Variants in ITPRIP observed in about 807,000 individuals in gnomAD.
ITPRIP encodes the protein inositol 1,4,5-trisphosphate receptor interacting protein, also known as inositol 1,4,5-trisphosphate receptor-interacting protein.
A neutral mutation model predicts 35.8 loss-of-function variants in ITPRIP; 32 were observed. The ratio of observed to expected loss-of-function variants is 0.89; its 90% CI spans 0.68 to 1.20. ITPRIP has a LOEUF of 1.20. Among genes scored for constraint, ITPRIP ranks in the 50% most tolerant of loss-of-function variants. ITPRIP has a pLI of 0.00. For synonymous variants in ITPRIP, 358 were observed against 324.0 expected (o/e 1.11, Z -1.13); for missense variants, 653 against 735.6 (o/e 0.89, Z 1.30).
In ITPRIP at chr10:104,313,649, G is replaced by C. The variant is rs1030230011; in HGVS notation, c.*759C>G. On this transcript the variant is annotated 3_prime_UTR_variant, in exon 2 of 2. Transcript: ENST00000337478. The stretch of plus-strand genomic sequence containing the variant: ...ACCCAGTGTGGCAAATACCCACCAC[G>C]CTCGGGACCCAGTACGTTGGGGAAA... The C allele has an allele frequency of 1.0e-6, 1 of 985,370 alleles. No homozygotes were observed. Among genetic ancestry groups the C allele is most frequent in the Non-Finnish European group, 1.2e-6 (1 of 830,016 alleles). 61.0% of individuals were successfully genotyped at this position (985,370 alleles called of 1,614,324 possible).
At position 104,314,388 on chromosome 10, in the gene ITPRIP, C is replaced by A; in HGVS notation, c.*20G>T. The A allele has an allele frequency of 6.3e-7, 1 of 1,591,368 alleles. No homozygotes were observed. Among genetic ancestry groups the A allele is most frequent in the Non-Finnish European group, 8.6e-7 (1 of 1,166,528 alleles). ...GATGCCCTCATCTTAGCTCGAGGAT[C>A]CCACATTCTGTAAAAGACGTCAGCT... On this transcript the variant is annotated 3_prime_UTR_variant, in exon 2 of 2. Coordinates refer to ENST00000337478, the MANE Select transcript of ITPRIP (RefSeq NM_001272013.2).
In ITPRIP at chr10:104,312,861, C is replaced by G; in HGVS notation, c.*1547G>C. 6 of 985,396 alleles carry G rather than the reference C, an allele frequency of 6.1e-6. No individual in the cohort carries two copies. Among genetic ancestry groups the G allele is most frequent in the Non-Finnish European group, 7.2e-6 (6 of 829,944 alleles). 61.0% of individuals were successfully genotyped at this position (985,396 alleles called of 1,614,324 possible). On this transcript the variant is annotated 3_prime_UTR_variant, in exon 2 of 2. Transcript: ENST00000337478. ...TCGGGAAGGCATGGCCGGCTTAAAC[C>G]CTGGAGGAACACGGTATATTCTTGA...
rs1029840567 is a variant in ITPRIP at position 104,328,233 on chromosome 10, C to A, written c.-14+10013G>T. On this transcript the variant is annotated intron_variant, in intron 1 of 1. Coordinates refer to ENST00000337478, the MANE Select transcript of ITPRIP (RefSeq NM_001272013.2). This position sits in a 1 kb window ranked among gnomAD's most constrained non-coding sequence, Gnocchi z 4.1. Reference sequence around the variant, plus strand: ...AATCACAGTGACAGCAATGCGCCCTCACCACTTCCCGTTGTCCTACATTGG... The same window carrying A: ...AATCACAGTGACAGCAATGCGCCCTAACCACTTCCCGTTGTCCTACATTGG... 3 of 985,298 alleles carry A rather than the reference C, an allele frequency of 3.0e-6. No homozygotes were observed. In the African/African-American group the frequency reaches 5.2e-5, roughly 17 times the overall value. The allele number at this position is 985,298 out of a possible 1,614,324, so 61.0% of individuals were successfully genotyped here.
chr10:104,328,477 G>A lies in ITPRIP; in HGVS notation c.-14+9769C>T, dbSNP rs1010839484. Reference sequence around the variant, plus strand: ...GTTCAGGCAAAACCACACTTTCTCAGTGGGACAGGGAGGGGAGGCTGCACG... The same window carrying A: ...GTTCAGGCAAAACCACACTTTCTCAATGGGACAGGGAGGGGAGGCTGCACG... On this transcript the variant is annotated intron_variant, in intron 1 of 1. Coordinates refer to ENST00000337478, the MANE Select transcript of ITPRIP (RefSeq NM_001272013.2). The surrounding 1 kb of genome is among the most constrained non-coding windows in gnomAD (Gnocchi z 4.1). 2.0e-5 allele frequency among the ~76,000 whole-genome samples: 3 copies of A among 152,160 alleles called. No individual in the cohort carries two copies. The highest frequency in any genetic ancestry group is 4.4e-5 in the Non-Finnish European group (3 of 68,034).
intron 1 of ITPRIP, among the ~76,000 whole-genome samples, chr10:104,320,128 G>A (rs1053915959): frequency 6.6e-6 from 1 of 152,030 alleles, no homozygotes; most frequent in Non-Finnish European, 1.5e-5. Flanking sequence ...TCCCTTTCCA[G>A]GTCTCTCCTG....
In ITPRIP at chr10:104,311,717, G is replaced by A. The variant is rs965861708; in HGVS notation, c.*2691C>T. ...GAAAGTCAAGCATCCTTGGGAAAGA[G>A]ACTCTGGGGAAAGAGGGCAGGGTTG... On this transcript the variant is annotated 3_prime_UTR_variant, in exon 2 of 2. Coordinates refer to ENST00000337478, the MANE Select transcript of ITPRIP (RefSeq NM_001272013.2). 1 of 152,284 alleles carries A rather than the reference G, an allele frequency of 6.6e-6. No homozygotes were observed. The highest frequency in any genetic ancestry group is 1.9e-4 in the East Asian group (1 of 5,194). 9.4% of individuals were successfully genotyped at this position (152,284 alleles called of 1,614,324 possible).
Position 104,331,305 on chromosome 10 carries a change from G to A in ITPRIP, c.-14+6941C>T, listed in dbSNP as rs987376491. On this transcript the variant is annotated intron_variant, in intron 1 of 1. Transcript: ENST00000337478. Reference sequence around the variant, plus strand: ...CACCCCTGCCTCCTTGGGAACTTTGGAACAAAGTCTCAGCAAACAAAGGAC... The same window carrying A: ...CACCCCTGCCTCCTTGGGAACTTTGAAACAAAGTCTCAGCAAACAAAGGAC... Among the ~76,000 whole-genome samples, 11 of 152,288 alleles carry A rather than the reference G, an allele frequency of 7.2e-5. 1 individual carries two copies. Among genetic ancestry groups the A allele is most frequent in the African/African-American group, 2.4e-4 (10 of 41,556 alleles).
Position 104,311,949 on chromosome 10 carries a change from C to T in ITPRIP, c.*2459G>A, listed in dbSNP as rs1302802956. 6.6e-6 allele frequency: 1 copy of T among 152,210 alleles called. No homozygotes were observed. Among genetic ancestry groups the T allele is most frequent in the Non-Finnish European group, 1.5e-5 (1 of 68,042 alleles). The allele number at this position is 152,210 out of a possible 1,614,324, so 9.4% of individuals were successfully genotyped here. ...TTTCTGGAGCCCTGCGGGCAGCACA[C>T]AAGTTGCCTCAAAGACAGGGTAGAA... On this transcript the variant is annotated 3_prime_UTR_variant, in exon 2 of 2. Coordinates refer to ENST00000337478, the MANE Select transcript of ITPRIP (RefSeq NM_001272013.2).
intron 1 of ITPRIP, among the ~76,000 whole-genome samples, chr10:104,319,038 C>T (rs1419455565): frequency 6.6e-6 from 1 of 152,216 alleles, no homozygotes; most frequent in African/African-American, 2.4e-5. Flanking sequence ...TGTAGGATTA[C>T]AGACAAGACT....
chr10:104,321,682 A>C (rs1450979757), intron 1 of ITPRIP, among the ~76,000 whole-genome samples: 2 of 146,260 alleles, frequency 1.4e-5, no homozygotes, highest in African/African-American at 2.5e-5. Flanking sequence ...CACACTAACC[A>C]CTGTAAGTTT....
chr10:104,322,619 C>T (rs1364246757), intron 1 of ITPRIP, among the ~76,000 whole-genome samples: 3 of 152,132 alleles, frequency 2.0e-5, no homozygotes, highest in Non-Finnish European at 4.4e-5. Flanking sequence ...GGGTGGGGCT[C>T]CTGCAGTGTC....
At chr10:104,323,358 T>C (rs2013904669) in intron 1 of ITPRIP, 1 of 152,242 alleles carries the variant, frequency 6.6e-6, no homozygotes, top group African/African-American at 2.4e-5. Context: ...AGAAGACTGA[T>C]GTTCTGGGAA....
rs563441618 is a variant in ITPRIP at position 104,314,721 on chromosome 10, C to T, written c.1331G>A (p.Arg444Gln). 8.1e-6 allele frequency: 13 copies of T among 1,613,730 alleles called. No individual in the cohort carries two copies. The highest frequency in any genetic ancestry group is 2.2e-5 in the East Asian group (1 of 44,878). The stretch of plus-strand genomic sequence containing the variant: ...CCCCGCCTTCCAGTCGGCGGCCTGC[C>T]GGAGGAGTAGGAGGTGCAGTAGGGC... ...KTALLHLLLL[R>Q]QAADWKAGQL... Residue 444 changes from arginine (R) to glutamine (Q), a missense_variant, in exon 2 of 2, where the codon CGG (arginine) becomes CAG (glutamine). Arg to Gln is a conservative substitution (Grantham distance 43, BLOSUM62 1). Transcript: ENST00000337478.
intron 1 of ITPRIP, among the ~76,000 whole-genome samples, chr10:104,321,716 T>C (rs572206596): frequency 2.0e-5 from 3 of 151,554 alleles, no homozygotes; most frequent in African/African-American, 4.8e-5. Flanking sequence ...TTTTTTTTTT[T>C]TTTTTGACCA....
At chr10:104,334,352 T>A (rs888119596) in intron 1 of ITPRIP, among the ~76,000 whole-genome samples, 10 of 152,246 alleles carry the variant, frequency 6.6e-5, no homozygotes, top group African/African-American at 2.2e-4. Context: ...CCATGCTGAT[T>A]GGGGACCACG....
At chr10:104,318,229 A>G (rs1387780145) in intron 1 of ITPRIP, among the ~76,000 whole-genome samples, 1 of 152,220 alleles carries the variant, frequency 6.6e-6, no homozygotes, top group Non-Finnish European at 1.5e-5. Flanking sequence ...ACATCAACGG[A>G]AAGTTTTGCC....
chr10:104,314,133 G>C lies in ITPRIP; in HGVS notation c.*275C>G, dbSNP rs1308012874. Reference sequence around the variant, plus strand: ...CCACAGCGTGTTCTGCCACCATCTTGGCCATTCATGGTGATCCAGAAGTAA... The same window carrying C: ...CCACAGCGTGTTCTGCCACCATCTTCGCCATTCATGGTGATCCAGAAGTAA... On this transcript the variant is annotated 3_prime_UTR_variant, in exon 2 of 2. Coordinates refer to ENST00000337478, the MANE Select transcript of ITPRIP (RefSeq NM_001272013.2). 8.1e-7 allele frequency: 1 copy of C among 1,230,152 alleles called. No individual in the cohort carries two copies. The highest frequency in any genetic ancestry group is 1.0e-6 in the Non-Finnish European group (1 of 982,020). The allele number at this position is 1,230,152 out of a possible 1,614,324, so 76.2% of individuals were successfully genotyped here.
In ITPRIP at chr10:104,314,864, T is replaced by C. The variant is rs757360873; in HGVS notation, c.1188A>G (p.Leu396=). 4 of 1,613,722 alleles carry C rather than the reference T, an allele frequency of 2.5e-6. No individual in the cohort carries two copies. The highest frequency in any genetic ancestry group is 3.4e-6 in the Non-Finnish European group (4 of 1,180,006). Residue 396 remains leucine, a synonymous_variant, in exon 2 of 2, where the codon CTA becomes CTG. Coordinates refer to ENST00000337478, the MANE Select transcript of ITPRIP (RefSeq NM_001272013.2). ...VYERHFLRTT[L]KALPEGACHL... ...GGCAGGCGCCCTCGGGCAGTGCCTT[T>C]AGTGTCGTCCTGAGGAAGTGTCGCT...
At chr10:104,329,091 A>T (rs1564866524) in intron 1 of ITPRIP, among the ~76,000 whole-genome samples, 1 of 151,022 alleles carries the variant, frequency 6.6e-6, no homozygotes, top group Non-Finnish European at 1.5e-5. Flanking sequence ...GCACACACAC[A>T]CTCTCCCTGC....
Sources: allele counts gnomAD v4.1 joint callset (sites outside exome capture counted in the v4.1 genomes callset), GRCh38; gene constraint gnomAD v4.1.1; non-coding constraint Gnocchi (gnomAD v3.1); transcripts MANE v1.5; gene names NCBI Gene and HGNC (gene_info 2026-07-23, HGNC 2026-07-21).